Variants in KIAA0319L observed in about 807,000 individuals in gnomAD.
KIAA0319L encodes dyslexia-associated protein KIAA0319-like protein.
In KIAA0319L, 55 loss-of-function variants were observed where a neutral mutation model predicts 120.1. That is an observed-to-expected ratio of 0.46 (90% CI 0.37 to 0.57). The LOEUF (loss-of-function observed/expected upper bound fraction) is 0.57. Ranked by LOEUF, KIAA0319L falls within the 20% of genes least tolerant of loss-of-function variation. The pLI is 0.00. For synonymous variants in KIAA0319L, 398 were observed against 471.9 expected, an observed-to-expected ratio of 0.84 and a Z score of 2.03; for missense variants, 1,049 against 1,255.3, an observed-to-expected ratio of 0.84 and a Z score of 2.48.
In KIAA0319L at chr1:35,453,840, G is replaced by A; in HGVS notation, c.1781-151C>T. ...TGGGAGATGTGGTTACCGTCAGGGA[G>A]CACACAATAAAGAATATAAGGCTGA... is the stretch of plus-strand genomic sequence containing the variant. On this transcript the variant is annotated intron_variant, in intron 11 of 20. Transcript: ENST00000325722. This position sits in a 1 kb window ranked among gnomAD's most constrained non-coding sequence, Gnocchi z 4.1. The A allele has an allele frequency of 4.3e-6, 3 of 693,630 alleles. No individual in the cohort carries two copies. Among genetic ancestry groups the A allele is most frequent in the South Asian group, 4.3e-5 (2 of 45,988 alleles). 43.0% of individuals were successfully genotyped at this position (693,630 alleles called of 1,614,324 possible).
chr1:35,520,762 T>C (rs2148441977), intron 2 of KIAA0319L, among the ~76,000 whole-genome samples: 1 of 151,256 alleles, frequency 6.6e-6, no homozygotes, highest in Non-Finnish European at 1.5e-5. Context: ...CAATAAGTGT[T>C]TTTGAGCACC....
chr1:35,516,474 GA>G (rs1319854888), intron 2 of KIAA0319L, among the ~76,000 whole-genome samples: 3 of 152,168 alleles, frequency 2.0e-5, no homozygotes, highest in Admixed American at 6.5e-5. Context: ...AATAGGTACA[GA>G]AAAGGCTTTC....
chr1:35,482,706 G>GGT (rs1413936542), intron 3 of KIAA0319L, among the ~76,000 whole-genome samples: 1 of 152,188 alleles, frequency 6.6e-6, no homozygotes, highest in East Asian at 1.9e-4. Flanking sequence ...TGGGATTACA[G>GGT]GTGTAAGCCA....
chr1:35,477,170 C>G (rs575598565), intron 4 of KIAA0319L, among the ~76,000 whole-genome samples: 2 of 152,270 alleles, frequency 1.3e-5, no homozygotes, highest in South Asian at 4.1e-4. Flanking sequence ...GAGAAAATAT[C>G]TGCAAACTCC....
intron 6 of KIAA0319L, among the ~76,000 whole-genome samples, chr1:35,468,085 T>C (rs890572649): frequency 3.9e-5 from 6 of 152,206 alleles, no homozygotes; most frequent in African/African-American, 1.4e-4. Flanking sequence ...GATACTTGGG[T>C]TGTTTCCAAA....
intron 12 of KIAA0319L, among the ~76,000 whole-genome samples, chr1:35,452,954 G>C (rs1642174215): frequency 6.6e-6 from 1 of 152,148 alleles, no homozygotes; most frequent in Non-Finnish European, 1.5e-5. Context: ...CTACTTGTGG[G>C]ATCCTGCATA....
intron 9 of KIAA0319L, among the ~76,000 whole-genome samples, chr1:35,456,915 T>G (rs113082989): frequency 3.6e-3 from 394 of 110,040 alleles, no homozygotes; most frequent in Middle Eastern, 0.032. Context: ...AAGGAAGGAA[T>G]GAAGGAAGGA....
chr1:35,442,677 G>A (rs1202702830), intron 18 of KIAA0319L, among the ~76,000 whole-genome samples: 7 of 152,318 alleles, frequency 4.6e-5, no homozygotes, highest in Non-Finnish European at 8.8e-5. Context: ...GCTGTAACTG[G>A]CATTGGATCT....
At chr1:35,496,949 A>G (rs559761785) in intron 3 of KIAA0319L, among the ~76,000 whole-genome samples, 358 of 138,650 alleles carry the variant, frequency 2.6e-3, no homozygotes, top group Non-Finnish European at 4.2e-3. Context: ...TGTGTCTCCA[A>G]AAAAAAAAAA....
rs369297988 is a variant in KIAA0319L at position 35,456,067 on chromosome 1, G to T, written c.1602C>A (p.Thr534=). 1 of 1,614,064 alleles carries T rather than the reference G, an allele frequency of 6.2e-7. No individual in the cohort carries two copies. The highest frequency in any genetic ancestry group is 1.3e-5 in the African/African-American group (1 of 75,014). ...GNQSTDDHGI[T]SYEWSLSPSS... ...TTGGGCTGAGTGACCACTCATAGCTGGTGATGCCATGATCATCAGTGCTCT... is the reference window on the plus strand; with the variant it reads ...TTGGGCTGAGTGACCACTCATAGCTTGTGATGCCATGATCATCAGTGCTCT... The change falls in exon 10 of 21, where the codon ACC becomes ACA. Residue 534 remains threonine (T), a synonymous_variant. Coordinates refer to ENST00000325722, the MANE Select transcript of KIAA0319L (RefSeq NM_024874.5).
intron 3 of KIAA0319L, among the ~76,000 whole-genome samples, chr1:35,499,546 T>C (rs1644929184): frequency 6.6e-6 from 1 of 152,168 alleles, no homozygotes; most frequent in African/African-American, 2.4e-5. Flanking sequence ...ACCCAGTTTA[T>C]GGTATTGTTA....
intron 3 of KIAA0319L, among the ~76,000 whole-genome samples, chr1:35,490,073 A>AC (rs1280830377): frequency 6.6e-6 from 1 of 151,890 alleles, no homozygotes; most frequent in Non-Finnish European, 1.5e-5. Flanking sequence ...CAATCCTCCT[A>AC]CCTCAGCCCC....
chr1:35,465,658 G>A (rs1233050141), intron 7 of KIAA0319L, among the ~76,000 whole-genome samples: 5 of 152,092 alleles, frequency 3.3e-5, no homozygotes, highest in Non-Finnish European at 5.9e-5. Flanking sequence ...CATGAGATTT[G>A]GGAGGGGCCA....
intron 2 of KIAA0319L, among the ~76,000 whole-genome samples, chr1:35,552,619 G>C (rs1249572783): frequency 6.6e-6 from 1 of 152,124 alleles, no homozygotes; most frequent in Non-Finnish European, 1.5e-5. Flanking sequence ...CTGGTATGTG[G>C]TAGGTGTGCT....
chr1:35,498,845 A>AT (rs1170926586), intron 3 of KIAA0319L, among the ~76,000 whole-genome samples: 4 of 152,170 alleles, frequency 2.6e-5, no homozygotes, highest in Non-Finnish European at 4.4e-5. Flanking sequence ...ATACATTTTG[A>AT]TTTGAGACAC....
chr1:35,519,325 T>A lies in KIAA0319L; in HGVS notation c.143-12190A>T, dbSNP rs532498287. 6.5e-3 allele frequency among the ~76,000 whole-genome samples: 993 copies of A among 152,154 alleles called. 4 individuals are homozygous for A. The highest frequency in any genetic ancestry group is 9.8e-3 in the Non-Finnish European group (665 of 67,972). ...CTATATTTGTTTAAAAAAAATAAAA[T>A]AAAAGTGATTCAGTACAGTGAAATA... On this transcript the variant is annotated intron_variant, in intron 2 of 20. Coordinates refer to ENST00000325722, the MANE Select transcript of KIAA0319L (RefSeq NM_024874.5).
At chr1:35,513,367 C>T (rs1296244992) in intron 2 of KIAA0319L, among the ~76,000 whole-genome samples, 1 of 146,386 alleles carries the variant, frequency 6.8e-6, no homozygotes, top group Non-Finnish European at 1.5e-5. Flanking sequence ...ATAATCCCAG[C>T]ACTTTGGAAA....
rs1189723627 is a variant in KIAA0319L at position 35,437,987 on chromosome 1, G to A, written c.2963-2906C>T. Among the ~76,000 whole-genome samples, 1 of 152,068 alleles carries A rather than the reference G, an allele frequency of 6.6e-6. No individual in the cohort carries two copies. Among genetic ancestry groups the A allele is most frequent in the South Asian group, 2.1e-4 (1 of 4,824 alleles). On this transcript the variant is annotated intron_variant, in intron 20 of 20. Transcript: ENST00000325722. This position sits in a 1 kb window ranked among gnomAD's most constrained non-coding sequence, Gnocchi z 4.1. ...CCTAGCTATAACCCACTGACACCAC[G>A]CTGTGTGAATCACTGTCAGCTCCTC...
At position 35,455,881 on chromosome 1, in the gene KIAA0319L, G is replaced by A. The variant is rs1234633983; in HGVS notation, c.1656+132C>T. 5.5e-6 allele frequency: 4 copies of A among 730,884 alleles called. No homozygotes were observed. The East Asian group carries it at 7.6e-5, about 14-fold the overall frequency. The allele number at this position is 730,884 out of a possible 1,614,324, so 45.3% of individuals were successfully genotyped here. ...GGCGTGAGCCACCATACCCGGCCAAGATAAAGATTTTTGCTACCACGTTAA... is the reference window on the plus strand; with the variant it reads ...GGCGTGAGCCACCATACCCGGCCAAAATAAAGATTTTTGCTACCACGTTAA... On this transcript the variant is annotated intron_variant, in intron 10 of 20. Transcript: ENST00000325722.
Sources: gnomAD v4.1 joint callset for allele counts (sites outside exome capture counted in the v4.1 genomes callset) on GRCh38, gnomAD v4.1.1 for gene constraint, Gnocchi (gnomAD v3.1) non-coding constraint, MANE v1.5 for transcripts, NCBI Gene and HGNC (gene_info 2026-07-23, HGNC 2026-07-21) for gene names.